NCOA7: variants seen among roughly 807,000 people sequenced by gnomAD.
NCOA7 encodes the protein 140 kDa estrogen receptor-associated protein.
A neutral mutation model predicts 104.3 loss-of-function variants in NCOA7; 45 were observed. The observed-to-expected ratio is 0.43, with a 90% CI of 0.34 to 0.55. The LOEUF (loss-of-function observed/expected upper bound fraction) is 0.55, where lower values mean the gene tolerates loss of function less well. NCOA7 is among the 20% of genes least tolerant of loss of function. NCOA7 has a pLI of 0.02. For synonymous variants in NCOA7, 398 were observed against 402.3 expected (o/e 0.99, Z 0.13); for missense variants, 1,041 against 1,119.7 (o/e 0.93, Z 1.00).
chr6:125,841,005 G>T (rs1780113623), intron 2 of NCOA7, among the ~76,000 whole-genome samples: 1 of 147,702 alleles, frequency 6.8e-6, no homozygotes, highest in African/African-American at 2.5e-5. Context: ...TGATTCTCCT[G>T]CCTGAGCCTC....
chr6:125,819,981 G>A (rs1251162494), intron 2 of NCOA7, among the ~76,000 whole-genome samples: 5 of 152,140 alleles, frequency 3.3e-5, no homozygotes, highest in Non-Finnish European at 5.9e-5. Context: ...CCTCTGATAA[G>A]GTGTGAGAGC....
intron 14 of NCOA7, 58 bp from the exon 15 acceptor site, chr6:125,928,116 T>C: frequency 6.9e-7 from 1 of 1,440,276 alleles, no homozygotes; most frequent in South Asian, 1.2e-5. Flanking sequence ...TCATATTTCC[T>C]CATTGCTAAT....
At chr6:125,900,120 TC>T (rs1274686040) in intron 10 of NCOA7, 4 of 485,202 alleles carry the variant, frequency 8.2e-6, no homozygotes, top group African/African-American at 7.8e-5. Context: ...ATTATAGAGC[TC>T]CTTCTCTACC....
At chr6:125,858,107 T>C (rs189850451) in intron 3 of NCOA7, among the ~76,000 whole-genome samples, 68 of 152,244 alleles carry the variant, frequency 4.5e-4, no homozygotes, top group African/African-American at 1.5e-3. Context: ...TCTGCATTGT[T>C]ATCATGGATG....
intron 8 of NCOA7, 65 bp from the exon 9 acceptor site, chr6:125,888,874 C>T: frequency 2.4e-6 from 3 of 1,275,274 alleles, no homozygotes; most frequent in African/African-American, 3.0e-5. Context: ...TTTTGCCTTT[C>T]CTCCATTTTG....
intron 10 of NCOA7, among the ~76,000 whole-genome samples, chr6:125,900,346 A>G (rs950176139): frequency 2.0e-5 from 3 of 152,260 alleles, no homozygotes; most frequent in African/African-American, 7.2e-5. Flanking sequence ...ATGGGCTGCC[A>G]GCCTGAGGCC....
In NCOA7 at chr6:125,862,586, C is replaced by T. The variant is rs1337679620; in HGVS notation, c.271+7346C>T. ...TGAATGGCATTTTTGCCACTGTGGG[C>T]TTCAGTGGACTGTTGCTGCTTTTTT... On this transcript the variant is annotated intron_variant, in intron 3 of 15. Coordinates refer to ENST00000392477, the MANE Select transcript of NCOA7 (RefSeq NM_181782.5). Among the ~76,000 whole-genome samples the T allele has an allele frequency of 1.4e-5, 2 of 138,392 alleles. 1 individual carries two copies. Among genetic ancestry groups the T allele is most frequent in the East Asian group, 4.2e-4 (2 of 4,752 alleles). The allele number at this position is 138,392 out of a possible 152,430, so 90.8% of individuals were successfully genotyped here. A position where few individuals can be genotyped will look rare whatever the true frequency, so the allele number is the denominator to read the frequency against.
chr6:125,837,856 T>A (rs376402757), intron 2 of NCOA7, among the ~76,000 whole-genome samples: 2 of 152,154 alleles, frequency 1.3e-5, no homozygotes, highest in Admixed American at 1.3e-4. Context: ...AGGGAACATA[T>A]AAATTGGCAT....
chr6:125,904,842 T>G (rs1388545897), intron 10 of NCOA7, among the ~76,000 whole-genome samples: 1 of 152,134 alleles, frequency 6.6e-6, no homozygotes, highest in Non-Finnish European at 1.5e-5. Context: ...AGGTTTGCAT[T>G]TTATGAGCTC....
intron 2 of NCOA7, among the ~76,000 whole-genome samples, chr6:125,830,292 C>T (rs1474923487): frequency 6.6e-6 from 1 of 152,212 alleles, no homozygotes; most frequent in Non-Finnish European, 1.5e-5. Flanking sequence ...CTTTCCATCC[C>T]TGAACCTTTT....
intron 10 of NCOA7, among the ~76,000 whole-genome samples, chr6:125,906,582 T>G (rs1786027063): frequency 6.6e-6 from 1 of 152,194 alleles, no homozygotes; most frequent in Admixed American, 6.5e-5. Flanking sequence ...GGATCGCTGC[T>G]GTAGGCCTAC....
At chr6:125,866,293 C>T (rs1196942393) in intron 3 of NCOA7, among the ~76,000 whole-genome samples, 1 of 151,866 alleles carries the variant, frequency 6.6e-6, no homozygotes, top group Non-Finnish European at 1.5e-5. Flanking sequence ...CACGCCATTG[C>T]ACTCCAGCCT....
At chr6:125,873,027 A>T (rs1783061966) in intron 3 of NCOA7, among the ~76,000 whole-genome samples, 1 of 152,196 alleles carries the variant, frequency 6.6e-6, no homozygotes, top group South Asian at 2.1e-4. Flanking sequence ...AATTTAAAGG[A>T]AATATTTAAA....
chr6:125,835,230 T>TAAGTTTCC (rs1242285226), intron 2 of NCOA7, among the ~76,000 whole-genome samples: 4 of 152,326 alleles, frequency 2.6e-5, no homozygotes, highest in African/African-American at 9.6e-5. Flanking sequence ...TAAAGACTGC[T>TAAGTTTCC]AAGTTTCCAA....
chr6:125,912,838 A>G (rs1459124534), intron 10 of NCOA7, among the ~76,000 whole-genome samples: 1 of 152,212 alleles, frequency 6.6e-6, no homozygotes, highest in Non-Finnish European at 1.5e-5. Flanking sequence ...ATTCATATTT[A>G]TATCTACATA....
chr6:125,784,731 G>A (rs114070609), intron 1 of NCOA7, among the ~76,000 whole-genome samples: 2,474 of 152,266 alleles, frequency 0.016, 64 homozygotes, highest in African/African-American at 0.056. Context: ...ATTGATACAC[G>A]TGATAACTTG....
intron 11 of NCOA7, among the ~76,000 whole-genome samples, chr6:125,918,968 A>G (rs931008133): frequency 5.3e-5 from 8 of 152,184 alleles, no homozygotes; most frequent in Admixed American, 1.3e-4. Flanking sequence ...AAAAAAAGAA[A>G]AAAAACTCTG....
At chr6:125,877,747 C>G (rs1783498709) in intron 4 of NCOA7, among the ~76,000 whole-genome samples, 1 of 152,162 alleles carries the variant, frequency 6.6e-6, no homozygotes, top group African/African-American at 2.4e-5. Context: ...TCCTTGCTTT[C>G]ACAGTATTCA....
chr6:125,844,758 T>C (rs1196654431), intron 2 of NCOA7, among the ~76,000 whole-genome samples: 2 of 152,220 alleles, frequency 1.3e-5, no homozygotes, highest in African/African-American at 4.8e-5. Flanking sequence ...TATTAATACC[T>C]GGCATTTGTC....
Sources: gnomAD v4.1 joint callset for allele counts (sites outside exome capture counted in the v4.1 genomes callset) on GRCh38, gnomAD v4.1.1 for gene constraint, MANE v1.5 for transcripts, NCBI Gene and HGNC (gene_info 2026-07-23, HGNC 2026-07-21) for gene names.